Variants in FRMD4B observed in about 807,000 individuals in gnomAD.
The protein encoded by FRMD4B is FERM domain containing 4B.
A neutral mutation model predicts 141.5 loss-of-function variants in FRMD4B; 74 were observed. The observed-to-expected ratio is 0.52, with a 90% CI of 0.43 to 0.63. The LOEUF is 0.63. Among genes scored for constraint, FRMD4B ranks in the 30% least tolerant of loss-of-function variants. The pLI is 0.00. For synonymous variants in FRMD4B, 506 were observed against 467.9 expected, an observed-to-expected ratio of 1.08 and a Z score of -1.05; for missense variants, 1,366 against 1,253.4, an observed-to-expected ratio of 1.09 and a Z score of -1.36.
intron 2 of FRMD4B, among the ~76,000 whole-genome samples, chr3:69,424,985 C>A (rs145035495): frequency 1.3e-5 from 2 of 152,258 alleles, no homozygotes; most frequent in Non-Finnish European, 2.9e-5. Context: ...CTACCCGCAA[C>A]CCTCTGCTTT....
At chr3:69,293,253 T>C (rs1700929927) in intron 4 of FRMD4B, among the ~76,000 whole-genome samples, 1 of 150,838 alleles carries the variant, frequency 6.6e-6, no homozygotes. Context: ...ATGTGGCCAA[T>C]ATTTTCGTCT....
intron 5 of FRMD4B, among the ~76,000 whole-genome samples, chr3:69,281,116 T>C (rs2093642738): frequency 1.3e-5 from 2 of 151,984 alleles, no homozygotes; most frequent in South Asian, 2.1e-4. Context: ...GTATTTTTAG[T>C]AGAGACGGGG....
intron 1 of FRMD4B, among the ~76,000 whole-genome samples, chr3:69,458,667 C>A (rs1705655664): frequency 6.6e-6 from 1 of 151,904 alleles, no homozygotes; most frequent in Non-Finnish European, 1.5e-5. Context: ...GTTTGGATAC[C>A]TTCAGGGTAT....
intron 11 of FRMD4B, among the ~76,000 whole-genome samples, chr3:69,209,107 G>A (rs2093052150): frequency 6.7e-6 from 1 of 149,956 alleles, no homozygotes; most frequent in South Asian, 2.1e-4. Flanking sequence ...TCACGCCACT[G>A]CACTCCAGCC....
intron 22 of FRMD4B, among the ~76,000 whole-genome samples, chr3:69,172,825 T>C (rs911687264): frequency 1.3e-5 from 2 of 152,250 alleles, no homozygotes; most frequent in African/African-American, 4.8e-5. Flanking sequence ...ATTAGACAGT[T>C]AGTTGATTTC....
Position 69,359,792 on chromosome 3 carries a change from A to G in FRMD4B, c.162+26036T>C, listed in dbSNP as rs146641687. 8.7e-3 allele frequency among the ~76,000 whole-genome samples: 1,324 copies of G among 152,284 alleles called. 23 individuals carry two copies. The highest frequency in any genetic ancestry group is 0.029 in the African/African-American group (1,196 of 41,558). On this transcript the variant is annotated intron_variant, in intron 1 of 22. Transcript: ENST00000398540. ...TAAGGCACGTGCAGTTTTTTAGGTGACGCACATAAACTTTGTAAAATTGAG... is the reference window on the plus strand; with the variant it reads ...TAAGGCACGTGCAGTTTTTTAGGTGGCGCACATAAACTTTGTAAAATTGAG...
intron 5 of FRMD4B, among the ~76,000 whole-genome samples, chr3:69,280,163 T>C (rs990130117): frequency 1.3e-5 from 2 of 152,148 alleles, no homozygotes; most frequent in Admixed American, 6.5e-5. Flanking sequence ...CACAGCCATG[T>C]TGAATGCTTC....
intron 1 of FRMD4B, among the ~76,000 whole-genome samples, chr3:69,435,744 T>C (rs536732057): frequency 6.6e-6 from 1 of 152,188 alleles, no homozygotes; most frequent in African/African-American, 2.4e-5. Flanking sequence ...GGAAGATATA[T>C]AGTAAAATTG....
At chr3:69,480,738 A>T (rs1290256110) in intron 1 of FRMD4B, among the ~76,000 whole-genome samples, 1 of 152,210 alleles carries the variant, frequency 6.6e-6, no homozygotes, top group Non-Finnish European at 1.5e-5. Context: ...CTCTCTTCAA[A>T]GCTGTCAGAC....
In FRMD4B at chr3:69,432,137, C is replaced by G. The variant is rs189484252; in HGVS notation, c.-1+497G>C. 1.6e-3 allele frequency among the ~76,000 whole-genome samples: 248 copies of G among 152,276 alleles called. 2 individuals are homozygous for G. The East Asian group carries it at 0.027, about 17-fold the overall frequency. On this transcript the variant is annotated intron_variant, in intron 2 of 5. Transcript: ENST00000459638. ...CAGTACTGATACTAAGGATACAAAG[C>G]TCTCCCTTACTCCAATTAAGCTAAA...
intron 22 of FRMD4B, 73 bp downstream of exon 22, chr3:69,176,451 T>C: frequency 7.7e-7 from 1 of 1,297,434 alleles, no homozygotes; most frequent in Non-Finnish European, 1.1e-6. Flanking sequence ...TTATCTGACG[T>C]TTGTAAATTA....
At chr3:69,237,101 G>C (rs948131760) in intron 7 of FRMD4B, among the ~76,000 whole-genome samples, 1 of 152,198 alleles carries the variant, frequency 6.6e-6, no homozygotes, top group Non-Finnish European at 1.5e-5. Context: ...ACTTACCAAA[G>C]TTCCCACAGT....
chr3:69,278,604 CTTT>C (rs55732494), intron 5 of FRMD4B, among the ~76,000 whole-genome samples: 5 of 142,216 alleles, frequency 3.5e-5, no homozygotes, highest in Admixed American at 7.0e-5. Context: ...CCCCAAATTG[CTTT>C]TTTTTTTTTT....
intron 2 of FRMD4B, among the ~76,000 whole-genome samples, chr3:69,396,720 T>A (rs989698689): frequency 9.9e-5 from 15 of 152,168 alleles, no homozygotes; most frequent in African/African-American, 3.4e-4. Flanking sequence ...TGTGGAAGAA[T>A]TGCCATCTTC....
At chr3:69,466,305 G>T (rs1342743010) in intron 1 of FRMD4B, among the ~76,000 whole-genome samples, 1 of 152,098 alleles carries the variant, frequency 6.6e-6, no homozygotes, top group Non-Finnish European at 1.5e-5. Context: ...TCTGTCAGAT[G>T]GGTAGATTGC....
intron 1 of FRMD4B, among the ~76,000 whole-genome samples, chr3:69,481,157 A>C (rs1706116871): frequency 6.6e-6 from 1 of 152,158 alleles, no homozygotes; most frequent in Admixed American, 6.5e-5. Context: ...GATCCCTTGC[A>C]CTTCCCGAGT....
At chr3:69,531,992 CA>C (rs1701015057) in intron 1 of FRMD4B, among the ~76,000 whole-genome samples, 1 of 152,158 alleles carries the variant, frequency 6.6e-6, no homozygotes. Context: ...CTTAAAAATA[CA>C]AATTGAATTA....
intron 8 of FRMD4B, 69 bp downstream of exon 8, chr3:69,224,538 C>T: frequency 1.3e-6 from 1 of 744,308 alleles, no homozygotes; most frequent in Non-Finnish European, 2.4e-6. Flanking sequence ...TCTTTTAATG[C>T]CCTGAAAAGC....
intron 11 of FRMD4B, among the ~76,000 whole-genome samples, chr3:69,205,708 G>C (rs9879814): frequency 0.013 from 1,947 of 152,270 alleles, 45 homozygotes; most frequent in African/African-American, 0.044. Flanking sequence ...CACAGAATAT[G>C]ATGCCCCCAC....
Sources: allele counts gnomAD v4.1 joint callset (sites outside exome capture counted in the v4.1 genomes callset), GRCh38; gene constraint gnomAD v4.1.1; transcripts MANE v1.5; gene names NCBI Gene and HGNC (gene_info 2026-07-23, HGNC 2026-07-21).